Variants in WDR36 observed in about 807,000 individuals in gnomAD.
WDR36 encodes the protein WD repeat-containing protein 36.
Under a neutral mutation model 112.7 loss-of-function variants are expected in WDR36, and 63 were observed. The observed-to-expected ratio is 0.56, with a 90% CI of 0.46 to 0.69. The LOEUF (loss-of-function observed/expected upper bound fraction) is 0.69, where lower values mean the gene tolerates loss of function less well. Ranked by LOEUF, WDR36 falls within the 30% of genes least tolerant of loss-of-function variation. The pLI is 0.00. For synonymous variants in WDR36, 410 were observed against 362.2 expected, an observed-to-expected ratio of 1.13 and a Z score of -1.50; for missense variants, 1,226 against 1,070.3, an observed-to-expected ratio of 1.15 and a Z score of -2.03.
chr5:111,099,230 A>G (rs1179913556), intron 4 of WDR36, among the ~76,000 whole-genome samples: 2 of 152,088 alleles, frequency 1.3e-5, no homozygotes, highest in Non-Finnish European at 2.9e-5. Context: ...CTGAAGGAAA[A>G]TATACATCCA....
rs372256626 is a variant in WDR36 at position 111,100,695 on chromosome 5, C to G, written c.516C>G (p.Ser172Arg). 58 of 1,608,780 alleles carry G rather than the reference C, an allele frequency of 3.6e-5. No individual in the cohort carries two copies. The highest frequency in any genetic ancestry group is 1.2e-4 in the Admixed American group (7 of 59,766). ...TACTTCTGGGCAGTGAACAAGGAAG[C>G]CTGCAGTTGTGGAATGTAAAATCCA... ...NKILLGSEQG[S>R]LQLWNVKSNK... is the part of the protein sequence containing the mutation. The change falls in exon 5 of 23, where the codon AGC becomes AGG. Residue 172 changes from serine (S) to arginine (R), a missense_variant. Physicochemically the swap from Ser to Arg is moderately radical, Grantham distance 110. Transcript: ENST00000513710.
intron 1 of WDR36, among the ~76,000 whole-genome samples, chr5:111,093,128 A>G (rs1752902805): frequency 6.6e-6 from 1 of 152,118 alleles, no homozygotes. Flanking sequence ...TGGCACTGTC[A>G]CTCTAAGCCT....
intron 21 of WDR36, 129 bp downstream of exon 21, chr5:111,124,318 G>C: frequency 1.3e-6 from 1 of 787,386 alleles, no homozygotes; most frequent in Non-Finnish European, 1.9e-6. Flanking sequence ...TGAAATTTTG[G>C]TTTTAATTTG....
intron 1 of WDR36, among the ~76,000 whole-genome samples, chr5:111,093,189 A>G (rs1752904293): frequency 6.6e-6 from 1 of 152,230 alleles, no homozygotes; most frequent in African/African-American, 2.4e-5. Flanking sequence ...GCACCTTTAT[A>G]TAATCTATTA....
chr5:111,119,862 AT>A (rs1753529342), intron 17 of WDR36, among the ~76,000 whole-genome samples: 1 of 152,214 alleles, frequency 6.6e-6, no homozygotes, highest in African/African-American at 2.4e-5. Flanking sequence ...TTAGAAAAGA[AT>A]AGCTATGAGC....
intron 2 of WDR36, 185 bp downstream of exon 2, chr5:111,095,132 T>G: frequency 1.7e-6 from 1 of 590,458 alleles, no homozygotes; most frequent in African/African-American, 1.9e-5. Context: ...TTATGTATCT[T>G]TATTTTCTTT....
Position 111,104,719 on chromosome 5 carries a change from C to T in WDR36, c.929C>T (p.Thr310Ile), listed in dbSNP as rs374953273. ...ALRIWIFDGP[T>I]GEGRLLRFRM... ...CAGATATGGATATTTGATGGTCCTA[C>T]AGGTGAAGGCCGACTTTTGAGATTC... Residue 310 changes from threonine to isoleucine, a missense_variant, in exon 9 of 23, where the codon ACA (threonine) becomes ATA (isoleucine). Coordinates refer to ENST00000513710, the MANE Select transcript of WDR36 (RefSeq NM_139281.3). 10 of 1,611,202 alleles carry T rather than the reference C, an allele frequency of 6.2e-6. No individual in the cohort carries two copies. The highest frequency in any genetic ancestry group is 8.5e-6 in the Non-Finnish European group (10 of 1,177,870).
chr5:111,122,129 C>T (rs1753579819), intron 19 of WDR36, among the ~76,000 whole-genome samples: 1 of 152,146 alleles, frequency 6.6e-6, no homozygotes, highest in Non-Finnish European at 1.5e-5. Context: ...TAAAGGTGTG[C>T]TGTCTAGGAG....
chr5:111,096,907 C>T (rs771560719), intron 2 of WDR36, 172 bp from the exon 3 acceptor site: 48 of 541,680 alleles, frequency 8.9e-5, no homozygotes, highest in Admixed American at 2.1e-4. Flanking sequence ...TTGATAGTTA[C>T]TATTAGATAT....
At chr5:111,103,763 A>C (rs1361355859) in intron 6 of WDR36, 23 bp from the exon 7 acceptor site, 8 of 1,609,974 alleles carry the variant, frequency 5.0e-6, no homozygotes, top group Non-Finnish European at 6.8e-6. Context: ...AGAAAGTAAA[A>C]GTTTGAATAA....
In WDR36 at chr5:111,092,441, T is replaced by A; in HGVS notation, c.-16T>A. The A allele has an allele frequency of 6.2e-7, 1 of 1,614,188 alleles. No individual in the cohort carries two copies. The highest frequency in any genetic ancestry group is 2.2e-5 in the East Asian group (1 of 44,876). On this transcript the variant is annotated 5_prime_UTR_variant, in exon 1 of 23. Transcript: ENST00000513710. ...CTTCAGGACCAGAGCTGAGAGGAGC[T>A]GGGATCGCGGCGGCAATGGAACGGG...
chr5:111,107,190 T>G, intron 11 of WDR36, 104 bp from the exon 12 acceptor site: 1 of 1,342,690 alleles, frequency 7.4e-7, no homozygotes, highest in Non-Finnish European at 1.0e-6. Flanking sequence ...ACCTGTTTGT[T>G]TTACCATTGT....
At chr5:111,100,848 A>G in intron 5 of WDR36, 127 bp downstream of exon 5, 1 of 933,092 alleles carries the variant, frequency 1.1e-6, no homozygotes, top group South Asian at 1.9e-5. Flanking sequence ...TATAAATAAC[A>G]GTTGGTCCCC....
Position 111,129,521 on chromosome 5 carries a change from T to G in WDR36, c.*2638T>G, listed in dbSNP as rs886059783. ...TGTTTATTTTAGAACATATAAACAT[T>G]TGTTAATTTTCTTTTTCCTCTCATT... On this transcript the variant is annotated 3_prime_UTR_variant, in exon 23 of 23. Transcript: ENST00000513710. 3.6e-5 allele frequency: 7 copies of G among 197,166 alleles called. No homozygotes were observed. The highest frequency in any genetic ancestry group is 2.1e-5 in the Non-Finnish European group (2 of 95,108). The allele number at this position is 197,166 out of a possible 1,614,324, so 12.2% of individuals were successfully genotyped here.
chr5:111,094,975 T>A, intron 2 of WDR36, 28 bp downstream of exon 2: 1 of 1,597,546 alleles, frequency 6.3e-7, no homozygotes. Flanking sequence ...TCTGAATTTA[T>A]GCACATCTAA....
At chr5:111,108,354 G>C (rs538110838) in intron 12 of WDR36, among the ~76,000 whole-genome samples, 3 of 151,212 alleles carry the variant, frequency 2.0e-5, no homozygotes, top group Admixed American at 6.6e-5. Context: ...CAACCTTGCT[G>C]AACTTATTAG....
At chr5:111,123,135 G>T (rs1753602179) in intron 19 of WDR36, among the ~76,000 whole-genome samples, 1 of 152,104 alleles carries the variant, frequency 6.6e-6, no homozygotes, top group East Asian at 1.9e-4. Context: ...CTGAGATACT[G>T]ATATGTAGCA....
At position 111,092,478 on chromosome 5, in the gene WDR36, C is replaced by T. The variant is rs908528300; in HGVS notation, c.22C>T (p.Arg8Cys). 6.2e-6 allele frequency: 10 copies of T among 1,614,102 alleles called. No homozygotes were observed. Among genetic ancestry groups the T allele is most frequent in the Non-Finnish European group, 7.6e-6 (9 of 1,180,054 alleles). Residue 8 changes from arginine (R) to cysteine (C), a missense_variant, in exon 1 of 23, where the codon CGC (arginine) becomes TGC (cysteine). Physicochemically the swap from Arg to Cys is radical, Grantham distance 180. Coordinates refer to ENST00000513710, the MANE Select transcript of WDR36 (RefSeq NM_139281.3). ...GGCAATGGAACGGGCCTCAGAAAGG[C>T]GCACGGCCAGCGCGCTTTTTGCGGG... MERASER[R>C]TASALFAGFR... is the part of the protein sequence containing the mutation.
In WDR36 at chr5:111,094,944, G is replaced by A; in HGVS notation, c.187G>A (p.Val63Ile). Residue 63 changes from valine (V) to isoleucine (I), a missense_variant, in exon 2 of 23, where the codon GTA (valine) becomes ATA (isoleucine). By Grantham distance (29) the Val-to-Ile change is conservative (BLOSUM62 3). Coordinates refer to ENST00000513710, the MANE Select transcript of WDR36 (RefSeq NM_139281.3). ...GGTTCAGAAACTTAGTCTGGTTGCAGTAAGTAAGTATGGACTTTATTCTGA... is the reference window on the plus strand; with the variant it reads ...GGTTCAGAAACTTAGTCTGGTTGCAATAAGTAAGTATGGACTTTATTCTGA... ...YDVQKLSLVA[V>I]SNSVPQDICC... 1 of 1,606,294 alleles carries A rather than the reference G, an allele frequency of 6.2e-7. No homozygotes were observed. The highest frequency in any genetic ancestry group is 8.5e-7 in the Non-Finnish European group (1 of 1,175,232).
Sources: gnomAD v4.1 joint callset for allele counts (sites outside exome capture counted in the v4.1 genomes callset) on GRCh38, gnomAD v4.1.1 for gene constraint, MANE v1.5 for transcripts, NCBI Gene and HGNC (gene_info 2026-07-23, HGNC 2026-07-21) for gene names.